WDR72: variants seen among roughly 807,000 people sequenced by gnomAD.
WDR72 encodes the protein WD repeat-containing protein 72.
A neutral mutation model predicts 124.2 loss-of-function variants in WDR72; 120 were observed. The observed-to-expected ratio is 0.97, with a 90% confidence interval of 0.83 to 1.12. The LOEUF (loss-of-function observed/expected upper bound fraction) is 1.12. Ranked by LOEUF, WDR72 falls within the 50% of genes most tolerant of loss-of-function variation. The probability of loss-of-function intolerance (pLI) is 0.00; values close to 1 mark genes in which losing one functional copy is unlikely to be tolerated. For missense variants in WDR72, 1,387 were observed against 1,278.8 expected (o/e 1.08, Z -1.29); for synonymous variants, 452 against 441.7 (o/e 1.02, Z -0.29).
chr15:53,641,722 T>C (rs1215063143), intron 14 of WDR72, among the ~76,000 whole-genome samples: 1 of 151,962 alleles, frequency 6.6e-6, no homozygotes, highest in East Asian at 1.9e-4. Flanking sequence ...CTATTTATTT[T>C]CTTTTTAATG....
At chr15:53,692,756 T>C (rs1301679774) in intron 13 of WDR72, among the ~76,000 whole-genome samples, 1 of 152,140 alleles carries the variant, frequency 6.6e-6, no homozygotes, top group African/African-American at 2.4e-5. Flanking sequence ...GGAACTGTGA[T>C]AACTAGGGCA....
intron 17 of WDR72, among the ~76,000 whole-genome samples, chr15:53,604,745 C>T (rs7165440): frequency 0.14 from 21,532 of 152,084 alleles, 2,412 homozygotes; most frequent in African/African-American, 0.31. Context: ...TCACTAATCA[C>T]TGGAGAAATG....
intron 14 of WDR72, among the ~76,000 whole-genome samples, chr15:53,631,321 G>T (rs969646200): frequency 6.6e-6 from 1 of 152,144 alleles, no homozygotes; most frequent in Non-Finnish European, 1.5e-5. Context: ...GTTTCCTGAG[G>T]CCTATTCAGA....
chr15:53,594,374 A>G (rs938757716), intron 18 of WDR72, among the ~76,000 whole-genome samples: 1 of 151,974 alleles, frequency 6.6e-6, no homozygotes, highest in African/African-American at 2.4e-5. Context: ...AGTTGATGAA[A>G]TTAAACAACA....
At chr15:53,724,340 TTAAC>T (rs925795773) in intron 2 of WDR72, among the ~76,000 whole-genome samples, 1 of 146,516 alleles carries the variant, frequency 6.8e-6, no homozygotes, top group Admixed American at 6.6e-5. Flanking sequence ...GATAGATGTG[TTAAC>T]TAATTTGATT....
chr15:53,547,582 T>C (rs10220852), intron 18 of WDR72, among the ~76,000 whole-genome samples: 111,121 of 152,064 alleles, frequency 0.73, 41,309 homozygotes, highest in Middle Eastern at 0.85. Context: ...ACACAAAGGA[T>C]GCTCACCACA....
intron 18 of WDR72, among the ~76,000 whole-genome samples, chr15:53,558,786 C>A (rs182928498): frequency 6.6e-6 from 1 of 152,070 alleles, no homozygotes; most frequent in African/African-American, 2.4e-5. Flanking sequence ...TGAGGCTGGC[C>A]TATTCTGATG....
intron 14 of WDR72, among the ~76,000 whole-genome samples, chr15:53,643,787 C>A (rs1020190196): frequency 1.3e-5 from 2 of 151,898 alleles, no homozygotes; most frequent in African/African-American, 2.4e-5. Context: ...CACTTTTCAA[C>A]AACTTACCAT....
At position 53,642,869 on chromosome 15, in the gene WDR72, T is replaced by C. The variant is rs1433545397; in HGVS notation, c.1962+22703A>G. 4.6e-5 allele frequency among the ~76,000 whole-genome samples: 7 copies of C among 152,188 alleles called. No individual in the cohort carries two copies. The East Asian group carries it at 1.4e-3, about 29-fold the overall frequency. On this transcript the variant is annotated intron_variant, in intron 14 of 19. Transcript: ENST00000360509. The stretch of plus-strand genomic sequence containing the variant: ...CAATGTAAATGCTATTTTCCTTATC[T>C]ACCTGCTTGTCTCTGAGGGCTGTTT...
At chr15:53,524,393 G>A (rs1383280721) in intron 18 of WDR72, among the ~76,000 whole-genome samples, 1 of 152,052 alleles carries the variant, frequency 6.6e-6, no homozygotes, top group Non-Finnish European at 1.5e-5. Flanking sequence ...AGGGGAGTGG[G>A]CCTAGACACT....
intron 19 of WDR72, among the ~76,000 whole-genome samples, chr15:53,518,088 T>G (rs928225950): frequency 6.6e-6 from 1 of 152,056 alleles, no homozygotes; most frequent in Admixed American, 6.6e-5. Context: ...AAAATTTAGT[T>G]TGAAATTAGT....
intron 18 of WDR72, among the ~76,000 whole-genome samples, chr15:53,573,912 C>A (rs967246205): frequency 2.0e-5 from 3 of 152,230 alleles, no homozygotes; most frequent in South Asian, 2.1e-4. Flanking sequence ...GTTTTTATTT[C>A]TTTAATTGAT....
chr15:53,646,129 T>A (rs1567002149), intron 14 of WDR72, among the ~76,000 whole-genome samples: 1 of 152,288 alleles, frequency 6.6e-6, no homozygotes, highest in East Asian at 1.9e-4. Flanking sequence ...TGTATGTCTA[T>A]TTTTTAATGA....
rs1460699194 is a variant in WDR72 at position 53,710,960 on chromosome 15, G to A, written c.858-7C>T. On this transcript the variant is annotated splice_region_variant and splice_polypyrimidine_tract_variant and intron_variant, in intron 8 of 19. Coordinates refer to ENST00000360509, the MANE Select transcript of WDR72 (RefSeq NM_182758.4). ...TATGCTTTTTGAAAGCCCACTGCGTGGCAAAAATAAAAAGCAAAGTTTAGA... is the reference window on the plus strand; with the variant it reads ...TATGCTTTTTGAAAGCCCACTGCGTAGCAAAAATAAAAAGCAAAGTTTAGA... 1.9e-6 allele frequency: 3 copies of A among 1,611,142 alleles called. No individual in the cohort carries two copies. The highest frequency in any genetic ancestry group is 1.7e-5 in the Admixed American group (1 of 59,960).
At chr15:53,627,874 C>G (rs570058339) in intron 14 of WDR72, among the ~76,000 whole-genome samples, 1 of 152,044 alleles carries the variant, frequency 6.6e-6, no homozygotes, top group Admixed American at 6.6e-5. Context: ...TGTTTAATTT[C>G]ATTTTTAAGT....
chr15:53,645,537 A>G (rs977143893), intron 14 of WDR72, among the ~76,000 whole-genome samples: 3 of 152,178 alleles, frequency 2.0e-5, no homozygotes, highest in African/African-American at 7.2e-5. Flanking sequence ...TATAAAATGA[A>G]GGGTGTCATT....
chr15:53,545,199 C>T (rs1372936568), intron 18 of WDR72, among the ~76,000 whole-genome samples: 4 of 151,676 alleles, frequency 2.6e-5, no homozygotes, highest in East Asian at 3.9e-4. Flanking sequence ...GAGCCCGCAT[C>T]GCCACGGGAA....
intron 18 of WDR72, among the ~76,000 whole-genome samples, chr15:53,552,162 G>A (rs979654543): frequency 2.2e-4 from 33 of 151,218 alleles, no homozygotes; most frequent in African/African-American, 7.6e-4. Context: ...GTTTATGTAT[G>A]TACTAGTATG....
At chr15:53,638,332 C>A (rs748482737) in intron 14 of WDR72, among the ~76,000 whole-genome samples, 4 of 152,164 alleles carry the variant, frequency 2.6e-5, no homozygotes, top group Non-Finnish European at 4.4e-5. Context: ...AAGAGATGCT[C>A]AGGTCCAATA....
Sources: gnomAD v4.1 joint callset for allele counts (sites outside exome capture counted in the v4.1 genomes callset) on GRCh38, gnomAD v4.1.1 for gene constraint, MANE v1.5 for transcripts, NCBI Gene and HGNC (gene_info 2026-07-23, HGNC 2026-07-21) for gene names.